The following CCDC183 variants were observed in gnomAD, a reference collection of about 807,000 sequenced individuals.
CCDC183 encodes coiled-coil domain containing 183, also known as coiled-coil domain-containing protein 183.
CCDC183 carries 63 observed loss-of-function variants against 65.2 expected under a neutral mutation model. The ratio of observed to expected loss-of-function variants is 0.97; its 90% CI spans 0.79 to 1.19. The LOEUF is 1.19. Ranked by LOEUF, CCDC183 falls within the 50% of genes most tolerant of loss-of-function variation. The pLI, the probability that CCDC183 is intolerant of heterozygous loss-of-function variation, is 0.00. For missense variants in CCDC183, 769 were observed against 689.3 expected, an observed-to-expected ratio of 1.12 and a Z score of -1.30; for synonymous variants, 323 against 276.5, an observed-to-expected ratio of 1.17 and a Z score of -1.67.
chr9:136,798,984 G>T (rs1369587988), intron 1 of CCDC183, 118 bp from the exon 2 acceptor site: 2 of 1,390,708 alleles, frequency 1.4e-6, no homozygotes, highest in East Asian at 2.4e-5. Flanking sequence ...GGCCATGGAG[G>T]GGGCATCCCC....
intron 1 of CCDC183, among the ~76,000 whole-genome samples, chr9:136,797,261 CAT>C (rs1450478678): frequency 7.9e-5 from 12 of 152,260 alleles, no homozygotes; most frequent in Admixed American, 1.3e-4. Flanking sequence ...CCTTTGCTCA[CAT>C]GTTTCCCTGC....
chr9:136,797,141 G>A (rs1213595731), intron 1 of CCDC183, among the ~76,000 whole-genome samples: 1 of 152,208 alleles, frequency 6.6e-6, no homozygotes, highest in Non-Finnish European at 1.5e-5. Flanking sequence ...CAGCAATACT[G>A]CTCTGTTACT....
At chr9:136,805,617 G>A (rs896135357) in intron 9 of CCDC183, 160 bp downstream of exon 9, 3 of 610,924 alleles carry the variant, frequency 4.9e-6, no homozygotes, top group African/African-American at 3.7e-5. Flanking sequence ...CAACTCCCTC[G>A]GCCGCCCCAA....
chr9:136,802,748 A>C lies in CCDC183; in HGVS notation c.628A>C (p.Met210Leu), dbSNP rs747827736. 1.9e-6 allele frequency: 3 copies of C among 1,613,292 alleles called. No individual in the cohort carries two copies. Among genetic ancestry groups the C allele is most frequent in the East Asian group, 2.2e-5 (1 of 44,872 alleles). ...YCSELSDMKI[M>L]SQDAMMITDE... is the part of the protein sequence containing the mutation. ...CTCAGAGCTGTCGGATATGAAGATC[A>C]TGTCCCAAGATGCCATGATGATCAC... The change falls in exon 6 of 14, where the codon ATG (methionine) becomes CTG (leucine). Residue 210 changes from methionine (M) to leucine (L), a missense_variant. By Grantham distance (15) the Met-to-Leu change is conservative (BLOSUM62 2). Transcript: ENST00000338005.
chr9:136,805,298 T>C, intron 8 of CCDC183, 59 bp from the exon 9 acceptor site: 2 of 1,430,876 alleles, frequency 1.4e-6, no homozygotes. Context: ...CTGACAGCCT[T>C]ACACAGAGCC....
At position 136,804,921 on chromosome 9, in the gene CCDC183, G is replaced by A. The variant is rs1182820370; in HGVS notation, c.847+105G>A. ...CACCCTGAGGCCAGGTGTGACATGT[G>A]GTCGCCAGGGTGAAGGGAAGGACAG... On this transcript the variant is annotated intron_variant, in intron 8 of 13. Transcript: ENST00000338005. The surrounding 1 kb of genome is among the most constrained non-coding windows in gnomAD (Gnocchi z 4.1). The A allele has an allele frequency of 1.0e-6, 1 of 955,110 alleles. No individual in the cohort carries two copies. The highest frequency in any genetic ancestry group is 1.6e-5 in the African/African-American group (1 of 61,158). The allele number at this position is 955,110 out of a possible 1,614,324, so 59.2% of individuals were successfully genotyped here. A position where few individuals can be genotyped will look rare whatever the true frequency, so the allele number is the denominator to read the frequency against.
intron 9 of CCDC183, chr9:136,805,661 G>A (rs371991716): frequency 2.9e-4 from 168 of 574,370 alleles, no homozygotes; most frequent in African/African-American, 1.7e-3. Context: ...GTGTATCTGC[G>A]TTTATTATTA....
chr9:136,800,160 G>A lies in CCDC183; in HGVS notation c.429G>A (p.Arg143=). The change falls in exon 4 of 14, where the codon CGG becomes CGA. Residue 143 remains arginine (R), a synonymous_variant. Transcript: ENST00000338005. ...SQPDASKEEL[R]LLQIIRQLEN... is the part of the protein sequence containing the mutation. The stretch of plus-strand genomic sequence containing the variant: ...CCGACGCCAGCAAGGAGGAGCTGCG[G>A]CTGCTGCAGGTGGAGAGGCGGGGCT... The A allele has an allele frequency of 1.3e-6, 2 of 1,532,670 alleles. No individual in the cohort carries two copies. Among genetic ancestry groups the A allele is most frequent in the African/African-American group, 1.4e-5 (1 of 72,806 alleles). 94.9% of individuals were successfully genotyped at this position (1,532,670 alleles called of 1,614,324 possible).
intron 13 of CCDC183, 80 bp from the exon 14 acceptor site, chr9:136,807,489 TGGA>T: frequency 6.8e-7 from 1 of 1,467,106 alleles, no homozygotes; most frequent in South Asian, 1.3e-5. Context: ...CCCGGGTCGG[TGGA>T]GGGCGGGGGC....
In CCDC183 at chr9:136,804,802, C is replaced by A; in HGVS notation, c.833C>A (p.Thr278Lys). The change falls in exon 8 of 14, where the codon ACG becomes AAG. Residue 278 changes from threonine to lysine, a missense_variant. Physicochemically the swap from Thr to Lys is moderately conservative, Grantham distance 78. Transcript: ENST00000338005. The surrounding 1 kb of genome is among the most constrained non-coding windows in gnomAD (Gnocchi z 4.1). ...GACTTCCCCTCGAACCTGATGAGCACGGAGACCCTGAAATGTAAGCGCTCA... is the reference window on the plus strand; with the variant it reads ...GACTTCCCCTCGAACCTGATGAGCAAGGAGACCCTGAAATGTAAGCGCTCA... ...DLDFPSNLMS[T>K]ETLKLRRKET... The A allele has an allele frequency of 6.2e-7, 1 of 1,613,844 alleles. No homozygotes were observed. The highest frequency in any genetic ancestry group is 8.5e-7 in the Non-Finnish European group (1 of 1,179,930).
chr9:136,797,147 T>C (rs1259571525), intron 1 of CCDC183, among the ~76,000 whole-genome samples: 1 of 152,216 alleles, frequency 6.6e-6, no homozygotes, highest in Non-Finnish European at 1.5e-5. Context: ...TACTGCTCTG[T>C]TACTCTTTGC....
chr9:136,799,867 C>G, intron 3 of CCDC183, 77 bp downstream of exon 3: 1 of 1,512,896 alleles, frequency 6.6e-7, no homozygotes, highest in South Asian at 1.2e-5. Context: ...GTTGCGGAGC[C>G]GACGAGGGAC....
At chr9:136,799,656 C>A in intron 2 of CCDC183, 57 bp from the exon 3 acceptor site, 2 of 1,482,506 alleles carry the variant, frequency 1.3e-6, no homozygotes, top group Non-Finnish European at 1.9e-6. Context: ...CCTGGAGGAG[C>A]CAGCGGCTGC....
intron 1 of CCDC183, among the ~76,000 whole-genome samples, chr9:136,798,871 C>A (rs1847693457): frequency 6.6e-6 from 1 of 152,238 alleles, no homozygotes; most frequent in Non-Finnish European, 1.5e-5. Context: ...CTCACCCTCC[C>A]CACCTGTCCA....
intron 5 of CCDC183, 63 bp from the exon 6 acceptor site, chr9:136,802,601 T>TA: frequency 1.3e-6 from 2 of 1,542,844 alleles, no homozygotes; most frequent in Non-Finnish European, 1.7e-6. Context: ...AGTCGGGGGA[T>TA]AAAAGCTCGG....
In CCDC183 at chr9:136,804,420, G is replaced by A; in HGVS notation, c.667-82G>A. Reference sequence around the variant, plus strand: ...TCCAAAGTCTAGTAAGGTGAGCATGGCCAACCGCCCGCTGGCTTTACTGCC... The same window carrying A: ...TCCAAAGTCTAGTAAGGTGAGCATGACCAACCGCCCGCTGGCTTTACTGCC... On this transcript the variant is annotated intron_variant, in intron 6 of 13. Transcript: ENST00000338005. This position sits in a 1 kb window ranked among gnomAD's most constrained non-coding sequence, Gnocchi z 4.1. 3.3e-6 allele frequency: 5 copies of A among 1,516,040 alleles called. No homozygotes were observed. The highest frequency in any genetic ancestry group is 4.4e-6 in the Non-Finnish European group (5 of 1,131,154). 93.9% of individuals were successfully genotyped at this position (1,516,040 alleles called of 1,614,324 possible).
chr9:136,799,276 T>C, intron 2 of CCDC183, 53 bp downstream of exon 2: 2 of 1,542,526 alleles, frequency 1.3e-6, no homozygotes, highest in Non-Finnish European at 8.7e-7. Context: ...AGGAGCTGAG[T>C]ACACACACAC....
At chr9:136,797,508 G>T (rs1046667928) in intron 1 of CCDC183, among the ~76,000 whole-genome samples, 27 of 151,414 alleles carry the variant, frequency 1.8e-4, no homozygotes, top group African/African-American at 6.6e-4. Flanking sequence ...GCGCGATCTC[G>T]GCTCACTGCA....
Position 136,806,656 on chromosome 9 carries a change from A to C in CCDC183, c.1262A>C (p.Asn421Thr), listed in dbSNP as rs2254143. ...CTCTATGTCCGGCTGATGGGCATTA[A>C]CTTGCCTGCGACCCAGGTACCGGGA... ...DNLYVRLMGINLPATQREVVL... is the reference protein window; with the variant it reads ...DNLYVRLMGITLPATQREVVL... The change falls in exon 11 of 14, where the codon AAC becomes ACC. Residue 421 changes from asparagine (N) to threonine (T), a missense_variant. Asn to Thr is a moderately conservative substitution (Grantham distance 65, BLOSUM62 0). Transcript: ENST00000338005. 0.8 allele frequency: 1,297,118 copies of C among 1,613,286 alleles called. 522,058 individuals are homozygous for C. Among genetic ancestry groups the C allele is most frequent in the East Asian group, 0.87 (39,183 of 44,872 alleles).
Sources: allele counts gnomAD v4.1 joint callset (sites outside exome capture counted in the v4.1 genomes callset), GRCh38; gene constraint gnomAD v4.1.1; non-coding constraint Gnocchi (gnomAD v3.1); transcripts MANE v1.5; gene names NCBI Gene and HGNC (gene_info 2026-07-23, HGNC 2026-07-21).